The following SUCLG1 variants were observed in gnomAD, a reference collection of about 807,000 sequenced individuals.
SUCLG1 encodes succinate-CoA ligase GDP/ADP-forming subunit alpha, also known as succinate--CoA ligase [ADP/GDP-forming] subunit alpha, mitochondrial.
A neutral mutation model predicts 37.3 loss-of-function variants in SUCLG1; 26 were observed. That is an observed-to-expected ratio of 0.70 (90% CI 0.51 to 0.97). The LOEUF is 0.97. Ranked by LOEUF, SUCLG1 falls within the 50% of genes least tolerant of loss-of-function variation. SUCLG1 has a pLI of 0.00. For missense variants in SUCLG1, 433 were observed against 432.9 expected (o/e 1.00, Z 0.00); for synonymous variants, 163 against 155.6 (o/e 1.05, Z -0.36).
chr2:84,449,604 A>G (rs1322621412), intron 2 of SUCLG1, 45 bp downstream of exon 2: 3 of 1,256,802 alleles, frequency 2.4e-6, no homozygotes, highest in Middle Eastern at 2.2e-4. Flanking sequence ...TTAATTTGTT[A>G]TATCTCTAGT....
intron 3 of SUCLG1, among the ~76,000 whole-genome samples, chr2:84,441,836 A>G (rs957712580): frequency 6.6e-6 from 1 of 152,330 alleles, no homozygotes; most frequent in African/African-American, 2.4e-5. Flanking sequence ...AGGGGGAGAC[A>G]CAAAAAACAT....
chr2:84,447,753 C>G (rs1672871816), intron 2 of SUCLG1, among the ~76,000 whole-genome samples: 1 of 151,778 alleles, frequency 6.6e-6, no homozygotes, highest in Non-Finnish European at 1.5e-5. Flanking sequence ...TTTTTTGAGA[C>G]AGGGTCTCAC....
chr2:84,424,613 C>T (rs1206872370), intron 8 of SUCLG1, among the ~76,000 whole-genome samples: 2 of 152,200 alleles, frequency 1.3e-5, no homozygotes, highest in East Asian at 1.9e-4. Context: ...AATGCTGTTC[C>T]CTTCTAGGAA....
At chr2:84,431,148 C>A (rs1027197361) in intron 7 of SUCLG1, among the ~76,000 whole-genome samples, 16 of 152,164 alleles carry the variant, frequency 1.1e-4, no homozygotes, top group East Asian at 3.9e-4. Flanking sequence ...AGAGAAAAAA[C>A]CACTTATTTC....
chr2:84,428,654 G>A (rs1451232934), intron 7 of SUCLG1, among the ~76,000 whole-genome samples: 1 of 152,200 alleles, frequency 6.6e-6, no homozygotes, highest in Non-Finnish European at 1.5e-5. Context: ...AAGAGCCATT[G>A]GAGGCTTATT....
rs767859032 is a variant in SUCLG1 at position 84,433,229 on chromosome 2, C to T, written c.673+123G>A. 3.5e-6 allele frequency: 3 copies of T among 859,818 alleles called. No individual in the cohort carries two copies. The East Asian group carries it at 8.0e-5, about 23-fold the overall frequency. The allele number at this position is 859,818 out of a possible 1,614,324, so 53.3% of individuals were successfully genotyped here. On this transcript the variant is annotated intron_variant, in intron 6 of 8. Coordinates refer to ENST00000393868, the MANE Select transcript of SUCLG1 (RefSeq NM_003849.4). ...CACTTAAGCAAATTAAATTTGAGAT[C>T]GTAACATCCTTTTCATAAGAGTATC... is the stretch of plus-strand genomic sequence containing the variant.
At chr2:84,433,493 G>A in intron 5 of SUCLG1, 58 bp from the exon 6 acceptor site, 1 of 1,436,440 alleles carries the variant, frequency 7.0e-7, no homozygotes, top group Non-Finnish European at 9.8e-7. Context: ...ACTAAAACAT[G>A]GTAAACTAAA....
chr2:84,457,276 T>A (rs1250325438), intron 1 of SUCLG1, among the ~76,000 whole-genome samples: 3 of 151,812 alleles, frequency 2.0e-5, no homozygotes, highest in Non-Finnish European at 4.4e-5. Flanking sequence ...GGAGTTAGAG[T>A]TTTGTGAATT....
chr2:84,457,458 G>A (rs551866894), intron 1 of SUCLG1, among the ~76,000 whole-genome samples: 4 of 152,182 alleles, frequency 2.6e-5, no homozygotes, highest in Admixed American at 6.5e-5. Flanking sequence ...AAATGATCCT[G>A]GGAGTCTAGG....
In SUCLG1 at chr2:84,433,414, G is replaced by A; in HGVS notation, c.611C>T (p.Thr204Ile). 1 of 1,613,870 alleles carries A rather than the reference G, an allele frequency of 6.2e-7. No individual in the cohort carries two copies. Among genetic ancestry groups the A allele is most frequent in the Non-Finnish European group, 8.5e-7 (1 of 1,179,878 alleles). ...TTGGTGAACTGCTTCATAAGTCAGG[G>A]TGCCAGATCTGGACACAATGCCTTA... ...GRIGIVSRSGTLTYEAVHQTT... is the reference protein window; with the variant it reads ...GRIGIVSRSGILTYEAVHQTT... Residue 204 changes from threonine (T) to isoleucine (I), a missense_variant, in exon 6 of 9, where the codon ACC becomes ATC. By Grantham distance (89) the Thr-to-Ile change is moderately conservative. Transcript: ENST00000393868.
At chr2:84,451,947 C>T (rs1397377095) in intron 1 of SUCLG1, among the ~76,000 whole-genome samples, 2 of 152,160 alleles carry the variant, frequency 1.3e-5, no homozygotes, top group Non-Finnish European at 2.9e-5. Flanking sequence ...AATTCCTGAT[C>T]ACATTCCATC....
In SUCLG1 at chr2:84,431,622, A is replaced by T. The variant is rs568592324; in HGVS notation, c.711T>A (p.Ile237=). The change falls in exon 7 of 9, where the codon ATT becomes ATA. Residue 237 remains isoleucine, a synonymous_variant. Coordinates refer to ENST00000393868, the MANE Select transcript of SUCLG1 (RefSeq NM_003849.4). The stretch of plus-strand genomic sequence containing the variant: ...CGTTCAAAAAGATTTCGAGGCAGTC[A>T]ATAAAATCTGTTCCATTAAAAGGAT... ...GGDPFNGTDF[I]DCLEIFLNDS... The T allele has an allele frequency of 6.2e-7, 1 of 1,614,052 alleles. No homozygotes were observed. The highest frequency in any genetic ancestry group is 2.2e-5 in the East Asian group (1 of 44,856).
rs555874776 is a variant in SUCLG1, at chr2:84,438,926, G to A, written c.589+2121C>T. On this transcript the variant is annotated intron_variant, in intron 5 of 8. Coordinates refer to ENST00000393868, the MANE Select transcript of SUCLG1 (RefSeq NM_003849.4). ...AAAATGGACCAATCAGCAGGACACG[G>A]GCAGGGGACAAATAAGGGAATAAAA... Among the ~76,000 whole-genome samples, 18 of 152,278 alleles carry A rather than the reference G, an allele frequency of 1.2e-4. No individual in the cohort carries two copies. The East Asian group carries it at 3.1e-3, about 26-fold the overall frequency.
At chr2:84,433,767 A>T (rs1672644544) in intron 5 of SUCLG1, 1 of 347,704 alleles carries the variant, frequency 2.9e-6, no homozygotes, top group Non-Finnish European at 5.5e-6. Flanking sequence ...GTAGGTACTA[A>T]TCATACCTAC....
chr2:84,459,248 C>G lies in SUCLG1; in HGVS notation c.22G>C (p.Ala8Pro), dbSNP rs374871796. Residue 8 changes from alanine to proline, a missense_variant, in exon 1 of 9, where the codon GCC (alanine) becomes CCC (proline). Physicochemically the swap from Ala to Pro is conservative, Grantham distance 27 (BLOSUM62 -1). Coordinates refer to ENST00000393868, the MANE Select transcript of SUCLG1 (RefSeq NM_003849.4). The part of the protein sequence containing the change: MTATLAA[A>P]ADIATMVSGS... ...GAGACCATGGTAGCGATGTCAGCGGCAGCGGCAAGGGTTGCGGTCATACGC... is the reference window on the plus strand; with the variant it reads ...GAGACCATGGTAGCGATGTCAGCGGGAGCGGCAAGGGTTGCGGTCATACGC... 11 of 1,550,646 alleles carry G rather than the reference C, an allele frequency of 7.1e-6. No homozygotes were observed. Among genetic ancestry groups the G allele is most frequent in the Non-Finnish European group, 9.6e-6 (11 of 1,146,830 alleles).
intron 5 of SUCLG1, among the ~76,000 whole-genome samples, chr2:84,437,310 G>C (rs983991611): frequency 6.6e-6 from 1 of 152,002 alleles, no homozygotes; most frequent in African/African-American, 2.4e-5. Context: ...AACATACAAA[G>C]AACTGTAAAA....
intron 7 of SUCLG1, among the ~76,000 whole-genome samples, chr2:84,429,934 C>CT (rs1672591073): frequency 6.6e-6 from 1 of 152,114 alleles, no homozygotes; most frequent in South Asian, 2.1e-4. Flanking sequence ...AGTAGATGGA[C>CT]TAAGTACAGA....
chr2:84,449,271 G>A (rs1470081289), intron 2 of SUCLG1, among the ~76,000 whole-genome samples: 2 of 151,966 alleles, frequency 1.3e-5, no homozygotes, highest in Admixed American at 6.6e-5. Flanking sequence ...TTAACAATAC[G>A]GTTTTTTGTC....
chr2:84,443,970 T>C (rs893421234), intron 2 of SUCLG1, among the ~76,000 whole-genome samples: 1 of 152,188 alleles, frequency 6.6e-6, no homozygotes. Context: ...CTCAGCATTA[T>C]TGACATTTTG....
Sources: allele counts gnomAD v4.1 joint callset (sites outside exome capture counted in the v4.1 genomes callset), GRCh38; gene constraint gnomAD v4.1.1; transcripts MANE v1.5; gene names NCBI Gene and HGNC (gene_info 2026-07-23, HGNC 2026-07-21).